Variants in RYR3 observed in about 807,000 individuals in gnomAD.
RYR3 encodes ryanodine receptor 3, also known as brain ryanodine receptor-calcium release channel.
RYR3 carries 207 observed loss-of-function variants against 584.3 expected under a neutral mutation model. The observed-to-expected ratio is 0.35, with a 90% CI of 0.32 to 0.40. RYR3 has a LOEUF of 0.40. Ranked by LOEUF, RYR3 falls within the 10% of genes least tolerant of loss-of-function variation. The probability of loss-of-function intolerance (pLI) is 1.00; values close to 1 mark genes in which losing one functional copy is unlikely to be tolerated. For synonymous variants in RYR3, 2,416 were observed against 2,248.5 expected (o/e 1.07, Z -2.11); for missense variants, 5,616 against 6,089.2 (o/e 0.92, Z 2.59).
chr15:33,603,274 C>A lies in RYR3; in HGVS notation c.2074C>A (p.Pro692Thr), dbSNP rs768041967. ...CTGGGCCTCTTCTTCAGGCTATGCC[C>A]CATACCCAGGAGGTGGAGAAGGATG... ...VGWASSSGYAPYPGGGEGWGG... is the reference protein window; with the variant it reads ...VGWASSSGYATYPGGGEGWGG... Residue 692 changes from proline (P) to threonine (T), a missense_variant, in exon 18 of 104, where the codon CCA becomes ACA. Pro to Thr is a conservative substitution (Grantham distance 38). Around this residue, in one of 9 missense-constraint regions of RYR3, gnomAD observed 1,284 missense variants for 1,344.6 expected, o/e 0.95. Coordinates refer to ENST00000634891, the MANE Select transcript of RYR3 (RefSeq NM_001036.6). 6.2e-7 allele frequency: 1 copy of A among 1,613,860 alleles called. No homozygotes were observed. The highest frequency in any genetic ancestry group is 1.7e-5 in the Admixed American group (1 of 60,014).
chr15:33,420,680 A>T (rs541610903), intron 1 of RYR3, among the ~76,000 whole-genome samples: 38 of 148,560 alleles, frequency 2.6e-4, no homozygotes, highest in South Asian at 6.6e-4. Flanking sequence ...TTTTTTTTTT[A>T]AAACAATCTC....
chr15:33,586,093 G>A lies in RYR3; in HGVS notation c.1765G>A (p.Asp589Asn), dbSNP rs753177532. ...GHIKSIISLL[D>N]KHGRNHKVLD... ...CATCAAGTCGATCATCTCCCTGTTG[G>A]ATAAGCACGGGCGGAATCACAAGGT... is the stretch of plus-strand genomic sequence containing the variant. The change falls in exon 16 of 104, where the codon GAT (aspartate) becomes AAT (asparagine). Residue 589 changes from aspartate (D) to asparagine (N), a missense_variant. Asp to Asn is a conservative substitution (Grantham distance 23). Coordinates refer to ENST00000634891, the MANE Select transcript of RYR3 (RefSeq NM_001036.6). 8.1e-6 allele frequency: 13 copies of A among 1,610,682 alleles called. No homozygotes were observed. Among genetic ancestry groups the A allele is most frequent in the Non-Finnish European group, 1.1e-5 (13 of 1,176,916 alleles).
At chr15:33,625,212 T>G (rs559861924) in intron 20 of RYR3, among the ~76,000 whole-genome samples, 1 of 135,190 alleles carries the variant, frequency 7.4e-6, no homozygotes, top group Admixed American at 7.8e-5. Context: ...TCAGATCTTA[T>G]GAGAACTCTA....
chr15:33,809,934 C>T (rs916626628), intron 70 of RYR3, among the ~76,000 whole-genome samples: 1 of 152,124 alleles, frequency 6.6e-6, no homozygotes, highest in Admixed American at 6.5e-5. Flanking sequence ...AGTTTTTCTC[C>T]TAACTTTCCT....
At chr15:33,612,236 C>T (rs528353832) in intron 18 of RYR3, among the ~76,000 whole-genome samples, 6 of 152,258 alleles carry the variant, frequency 3.9e-5, no homozygotes, top group Non-Finnish European at 7.4e-5. Flanking sequence ...AATAAATCAT[C>T]TAATGAAAGA....
chr15:33,847,869 G>A (rs943295049), intron 93 of RYR3, among the ~76,000 whole-genome samples: 2 of 152,192 alleles, frequency 1.3e-5, no homozygotes, highest in Non-Finnish European at 2.9e-5. Context: ...ATTGAAGGGA[G>A]TTGGAACATT....
At chr15:33,702,689 C>T (rs945950406) in intron 42 of RYR3, among the ~76,000 whole-genome samples, 2 of 151,988 alleles carry the variant, frequency 1.3e-5, no homozygotes, top group Non-Finnish European at 2.9e-5. Flanking sequence ...GTGGTTGAAG[C>T]GCTGGGGGTA....
Position 33,401,211 on chromosome 15 carries a change from A to G in RYR3, c.52-72208A>G, listed in dbSNP as rs191332855. On this transcript the variant is annotated intron_variant, in intron 1 of 103. Coordinates refer to ENST00000634891, the MANE Select transcript of RYR3 (RefSeq NM_001036.6). ...GTTGGGGCAATCATCCTGAAGGGCA[A>G]GTGAGCTAAGACATCCTTGAATGTA... Among the ~76,000 whole-genome samples the G allele has an allele frequency of 2.0e-5, 3 of 152,330 alleles. No homozygotes were observed. In the East Asian group the frequency reaches 5.8e-4, roughly 29 times the overall value.
chr15:33,628,286 G>T lies in RYR3; in HGVS notation c.2575-185G>T, dbSNP rs894552667. Among the ~76,000 whole-genome samples, 13 of 152,268 alleles carry T rather than the reference G, an allele frequency of 8.5e-5. No individual in the cohort carries two copies. The South Asian group carries it at 2.7e-3, about 32-fold the overall frequency. On this transcript the variant is annotated intron_variant, in intron 20 of 103. Transcript: ENST00000634891. Reference sequence around the variant, plus strand: ...GCAATGGTCAGAGAGACAACAAGGAGCAGAGAGGAAGCCAAGAAAGGAAGA... The same window carrying T: ...GCAATGGTCAGAGAGACAACAAGGATCAGAGAGGAAGCCAAGAAAGGAAGA...
chr15:33,751,367 C>T (rs1375349615), intron 57 of RYR3, among the ~76,000 whole-genome samples: 1 of 152,166 alleles, frequency 6.6e-6, no homozygotes, highest in Non-Finnish European at 1.5e-5. Context: ...TAAAAGTATT[C>T]CTATATCTCC....
At chr15:33,786,042 TC>T in intron 66 of RYR3, 60 bp downstream of exon 66, 1 of 1,335,958 alleles carries the variant, frequency 7.5e-7, no homozygotes, top group Non-Finnish European at 1.0e-6. Context: ...GATTCTTTTT[TC>T]ATCTCTATTA....
At chr15:33,566,532 G>T in intron 11 of RYR3, 146 bp from the exon 12 acceptor site, 1 of 810,974 alleles carries the variant, frequency 1.2e-6, no homozygotes, top group Non-Finnish European at 2.0e-6. Context: ...CAATAGCTTC[G>T]CTAATGTCCC....
chr15:33,790,770 C>T (rs2075106346), intron 67 of RYR3, among the ~76,000 whole-genome samples: 1 of 151,978 alleles, frequency 6.6e-6, no homozygotes. Flanking sequence ...GAGGAAGAGA[C>T]AGAAGAGTTC....
intron 1 of RYR3, among the ~76,000 whole-genome samples, chr15:33,456,233 A>T (rs16971175): frequency 0.16 from 23,734 of 152,108 alleles, 1,968 homozygotes; most frequent in East Asian, 0.34. Flanking sequence ...TTGCAGATGA[A>T]TAATAAATTT....
At chr15:33,491,442 A>G (rs1836551) in intron 2 of RYR3, among the ~76,000 whole-genome samples, 2,389 of 152,314 alleles carry the variant, frequency 0.016, 58 homozygotes, top group African/African-American at 0.054. Flanking sequence ...ATTTATCTTC[A>G]TGGGGTCTGA....
chr15:33,858,058 A>G (rs1279757116), intron 99 of RYR3, 144 bp downstream of exon 99: 16 of 1,081,816 alleles, frequency 1.5e-5, no homozygotes, highest in African/African-American at 3.2e-5. Context: ...AAAGTAGAAG[A>G]CAGATGTCTT....
intron 70 of RYR3, 112 bp downstream of exon 70, chr15:33,807,681 C>T: frequency 9.4e-7 from 1 of 1,065,550 alleles, no homozygotes; most frequent in Non-Finnish European, 1.4e-6. Flanking sequence ...GATTTTCCCG[C>T]CTGGAGGTCC....
chr15:33,644,647 C>G (rs1001082704), intron 28 of RYR3, 128 bp downstream of exon 28: 51 of 664,074 alleles, frequency 7.7e-5, no homozygotes, highest in Non-Finnish European at 1.3e-4. Flanking sequence ...CAGCCACCTC[C>G]CCTCTGGCCC....
chr15:33,413,725 C>G lies in RYR3; in HGVS notation c.52-59694C>G, dbSNP rs191869689. The stretch of plus-strand genomic sequence containing the variant: ...GCAGGCCTGTGGTCCTGTTCCCCCC[C>G]GCTCAGCTCTGCGCTGTTTCTGGGC... On this transcript the variant is annotated intron_variant, in intron 1 of 103. Transcript: ENST00000634891. Among the ~76,000 whole-genome samples the G allele has an allele frequency of 1.8e-4, 27 of 152,338 alleles. No individual in the cohort carries two copies. In the East Asian group the frequency reaches 2.7e-3, roughly 15 times the overall value.
Sources: allele counts gnomAD v4.1 joint callset (sites outside exome capture counted in the v4.1 genomes callset), GRCh38; gene constraint gnomAD v4.1.1; regional missense constraint gnomAD v4.1.1; transcripts MANE v1.5; gene names NCBI Gene and HGNC (gene_info 2026-07-23, HGNC 2026-07-21).